ERBB4: variants seen among roughly 807,000 people sequenced by gnomAD.
ERBB4 encodes the protein receptor tyrosine-protein kinase erbB-4.
ERBB4 carries 42 observed loss-of-function variants against 158.0 expected under a neutral mutation model. The observed-to-expected ratio is 0.27, with a 90% CI of 0.21 to 0.34. ERBB4 has a LOEUF of 0.34. ERBB4 is among the 10% of genes least tolerant of loss of function. The pLI, the probability that ERBB4 is intolerant of heterozygous loss-of-function variation, is 1.00. For missense variants in ERBB4, 1,333 were observed against 1,624.1 expected (o/e 0.82, Z 3.08); for synonymous variants, 583 against 558.7 (o/e 1.04, Z -0.61).
intron 3 of ERBB4, among the ~76,000 whole-genome samples, chr2:211,896,845 C>T (rs1378584832): frequency 2.0e-5 from 3 of 151,912 alleles, no homozygotes; most frequent in Non-Finnish European, 4.4e-5. Flanking sequence ...AATGAACATG[C>T]CACTAGTATT....
intron 1 of ERBB4, among the ~76,000 whole-genome samples, chr2:212,473,645 T>C (rs1181361974): frequency 6.6e-6 from 1 of 152,154 alleles, no homozygotes; most frequent in African/African-American, 2.4e-5. Flanking sequence ...ATGAGATCAG[T>C]ATTTACTGGT....
At chr2:212,118,068 T>C (rs967995324) in intron 2 of ERBB4, among the ~76,000 whole-genome samples, 2 of 152,224 alleles carry the variant, frequency 1.3e-5, no homozygotes, top group African/African-American at 2.4e-5. Flanking sequence ...TAAAAGTACA[T>C]GAGGAAGATA....
intron 3 of ERBB4, among the ~76,000 whole-genome samples, chr2:211,883,304 G>C (rs1023772135): frequency 1.3e-5 from 2 of 152,160 alleles, no homozygotes; most frequent in Middle Eastern, 3.4e-3. Flanking sequence ...TTGTGGGGTG[G>C]GTGGAGCGGG....
chr2:212,455,841 T>C (rs533148344), intron 1 of ERBB4, among the ~76,000 whole-genome samples: 3 of 152,272 alleles, frequency 2.0e-5, no homozygotes, highest in Middle Eastern at 3.4e-3. Context: ...AGTATAACAT[T>C]TATTCATTTA....
At chr2:212,291,659 C>G (rs1054128158) in intron 1 of ERBB4, among the ~76,000 whole-genome samples, 2 of 151,950 alleles carry the variant, frequency 1.3e-5, no homozygotes, top group Non-Finnish European at 2.9e-5. Context: ...AAAGCAGGTG[C>G]TCAAAAATAA....
At chr2:212,387,885 G>T (rs1436074540) in intron 1 of ERBB4, among the ~76,000 whole-genome samples, 1 of 152,062 alleles carries the variant, frequency 6.6e-6, no homozygotes, top group Non-Finnish European at 1.5e-5. Context: ...AAAGATGGCT[G>T]CATACATACT....
At chr2:211,589,953 T>C (rs1267017336) in intron 19 of ERBB4, among the ~76,000 whole-genome samples, 1 of 152,180 alleles carries the variant, frequency 6.6e-6, no homozygotes, top group Non-Finnish European at 1.5e-5. Flanking sequence ...ATAGGTACAG[T>C]TCCTCATTAT....
chr2:211,507,391 G>A (rs2065778625), intron 20 of ERBB4, among the ~76,000 whole-genome samples: 1 of 152,014 alleles, frequency 6.6e-6, no homozygotes, highest in African/African-American at 2.4e-5. Context: ...ACCCATATCA[G>A]GCAAGGATAC....
chr2:211,658,558 T>G (rs527300291), intron 15 of ERBB4, among the ~76,000 whole-genome samples: 2 of 152,288 alleles, frequency 1.3e-5, no homozygotes, highest in East Asian at 3.9e-4. Context: ...CTTTAAAAGA[T>G]ACTTATCTTA....
intron 1 of ERBB4, among the ~76,000 whole-genome samples, chr2:212,132,468 T>G (rs1365421760): frequency 6.6e-6 from 1 of 152,162 alleles, no homozygotes; most frequent in East Asian, 1.9e-4. Flanking sequence ...CTCTCCCCAG[T>G]GTGGGTGAGT....
chr2:211,469,605 A>G (rs1283337010), intron 20 of ERBB4, among the ~76,000 whole-genome samples: 2 of 152,180 alleles, frequency 1.3e-5, no homozygotes, highest in African/African-American at 4.8e-5. Context: ...TGTACATAAG[A>G]GTGGTTAAGA....
rs2062559695 is a variant in ERBB4 at position 211,380,651 on chromosome 2, C to G, written c.*2964G>C. 4.3e-6 allele frequency: 1 copy of G among 231,744 alleles called. No individual in the cohort carries two copies. The highest frequency in any genetic ancestry group is 8.5e-6 in the Non-Finnish European group (1 of 117,204). 14.4% of individuals were successfully genotyped at this position (231,744 alleles called of 1,614,324 possible). On this transcript the variant is annotated 3_prime_UTR_variant, in exon 28 of 28. Coordinates refer to ENST00000342788, the MANE Select transcript of ERBB4 (RefSeq NM_005235.3). ...TTTCCCAGGGGGGACAAAAATAAAACAAAAAACACTCAAACAACTGAAGTC... is the reference window on the plus strand; with the variant it reads ...TTTCCCAGGGGGGACAAAAATAAAAGAAAAAACACTCAAACAACTGAAGTC...
At chr2:211,863,439 C>A (rs542676729) in intron 3 of ERBB4, among the ~76,000 whole-genome samples, 2 of 152,324 alleles carry the variant, frequency 1.3e-5, no homozygotes, top group Middle Eastern at 3.4e-3. Context: ...CACAATAAAT[C>A]TTGCTATTGC....
At chr2:212,295,070 T>C (rs1021103256) in intron 1 of ERBB4, among the ~76,000 whole-genome samples, 1 of 152,094 alleles carries the variant, frequency 6.6e-6, no homozygotes, top group Admixed American at 6.6e-5. Flanking sequence ...TGAAAAAATA[T>C]TGCCAATTCC....
chr2:211,458,585 A>T (rs1290617163), intron 20 of ERBB4, among the ~76,000 whole-genome samples: 2 of 152,074 alleles, frequency 1.3e-5, no homozygotes, highest in African/African-American at 2.4e-5. Flanking sequence ...AAACTCTTAT[A>T]CCTTTCTCCC....
chr2:212,069,290 G>A (rs1270060881), intron 2 of ERBB4, among the ~76,000 whole-genome samples: 3 of 152,038 alleles, frequency 2.0e-5, no homozygotes, highest in Non-Finnish European at 4.4e-5. Context: ...AAAAATCAAT[G>A]AATGTAATTC....
At position 211,972,540 on chromosome 2, in the gene ERBB4, G is replaced by A. The variant is rs548103799; in HGVS notation, c.235-24924C>T. On this transcript the variant is annotated intron_variant, in intron 2 of 27. Coordinates refer to ENST00000342788, the MANE Select transcript of ERBB4 (RefSeq NM_005235.3). ...ACAGTAACCAACACAGCAAGGTACC[G>A]GTGAAAAAGCAGACACATAGACAAA... Among the ~76,000 whole-genome samples the A allele has an allele frequency of 6.6e-5, 10 of 152,190 alleles. No individual in the cohort carries two copies. In the East Asian group the frequency reaches 1.2e-3, roughly 18 times the overall value.
At chr2:212,390,896 T>C (rs1372026847) in intron 1 of ERBB4, among the ~76,000 whole-genome samples, 1 of 151,872 alleles carries the variant, frequency 6.6e-6, no homozygotes, top group Non-Finnish European at 1.5e-5. Context: ...GAATATTCTA[T>C]GCAGAATTGG....
chr2:212,170,973 C>G (rs1451023944), intron 1 of ERBB4, among the ~76,000 whole-genome samples: 1 of 152,094 alleles, frequency 6.6e-6, no homozygotes, highest in Non-Finnish European at 1.5e-5. Context: ...CCACCATCCT[C>G]CAGGCCCAAG....
Sources: gnomAD v4.1 joint callset for allele counts (sites outside exome capture counted in the v4.1 genomes callset) on GRCh38, gnomAD v4.1.1 for gene constraint, MANE v1.5 for transcripts, NCBI Gene and HGNC (gene_info 2026-07-23, HGNC 2026-07-21) for gene names.